COL5A2: variants seen among roughly 807,000 people sequenced by gnomAD.
COL5A2 encodes the protein collagen type V alpha 2 chain.
In COL5A2, 23 loss-of-function variants were observed where a neutral mutation model predicts 208.2. That is an observed-to-expected ratio of 0.11 (90% CI 0.08 to 0.16). The LOEUF (loss-of-function observed/expected upper bound fraction) is 0.16. Among genes scored for constraint, COL5A2 ranks in the 10% least tolerant of loss-of-function variants. COL5A2 has a pLI of 1.00. For synonymous variants in COL5A2, 625 were observed against 628.5 expected (o/e 0.99, Z 0.08); for missense variants, 1,590 against 1,956.4 (o/e 0.81, Z 3.53).
chr2:189,074,789 A>G (rs1313730623), intron 17 of COL5A2, among the ~76,000 whole-genome samples: 3 of 152,154 alleles, frequency 2.0e-5, no homozygotes, highest in South Asian at 2.1e-4. Context: ...TTACTACCAT[A>G]ATAACTTTAG....
At chr2:189,379,551 AGAGATACTC>A in the COL5A2 span, among the ~76,000 whole-genome samples, 1 of 152,170 alleles carries the variant, frequency 6.6e-6, no homozygotes, top group Non-Finnish European at 1.5e-5. Flanking sequence ...TTTTCTTCAA[AGAGATACTC>A]GAGATACTCA....
chr2:189,094,264 T>A (rs1274911496), intron 6 of COL5A2, among the ~76,000 whole-genome samples: 1 of 152,134 alleles, frequency 6.6e-6, no homozygotes, highest in Non-Finnish European at 1.5e-5. Context: ...ATAAAAATTA[T>A]CTAAAATTAA....
At chr2:189,052,348 T>TA in intron 40 of COL5A2, 123 bp from the exon 41 acceptor site, 1 of 939,180 alleles carries the variant, frequency 1.1e-6, no homozygotes, top group Non-Finnish European at 1.7e-6. Context: ...TTGTAAGCAA[T>TA]ATTTTTTTTT....
chr2:189,403,891 C>T, the COL5A2 span, among the ~76,000 whole-genome samples: 33 of 152,226 alleles, frequency 2.2e-4, no homozygotes, highest in African/African-American at 7.7e-4. Flanking sequence ...TGCCACCATG[C>T]CCAGTTAATT....
chr2:189,438,982 C>T, the COL5A2 span, among the ~76,000 whole-genome samples: 4 of 152,280 alleles, frequency 2.6e-5, 1 homozygote, highest in South Asian at 8.3e-4. Context: ...CCACACTGGC[C>T]TCTTGACTTA....
chr2:189,078,028 A>G (rs1467976266), intron 16 of COL5A2, among the ~76,000 whole-genome samples: 1 of 152,218 alleles, frequency 6.6e-6, no homozygotes, highest in African/African-American at 2.4e-5. Flanking sequence ...CTCAATCTGT[A>G]TAATTAAAAT....
the COL5A2 span, among the ~76,000 whole-genome samples, chr2:189,339,760 G>T: frequency 6.6e-5 from 10 of 152,164 alleles, no homozygotes; most frequent in African/African-American, 2.4e-4. Flanking sequence ...ATCACGACAG[G>T]TGTGGGGTCT....
chr2:189,057,290 G>GGA, intron 34 of COL5A2, 30 bp downstream of exon 34: 4 of 709,920 alleles, frequency 5.6e-6, no homozygotes, highest in South Asian at 1.8e-5. Flanking sequence ...TAAATGAACT[G>GGA]AAAAAAAAAA....
At chr2:189,388,064 C>T in the COL5A2 span, among the ~76,000 whole-genome samples, 1 of 152,170 alleles carries the variant, frequency 6.6e-6, no homozygotes, top group Non-Finnish European at 1.5e-5. Flanking sequence ...GAATTACAGG[C>T]ATAAGCCACT....
At chr2:189,063,617 A>T (rs1042336047) in intron 26 of COL5A2, among the ~76,000 whole-genome samples, 2 of 152,202 alleles carry the variant, frequency 1.3e-5, no homozygotes, top group Non-Finnish European at 2.9e-5. Context: ...ATCTTAGAAT[A>T]TATAAGTTGT....
the COL5A2 span, among the ~76,000 whole-genome samples, chr2:189,285,415 C>T: frequency 2.6e-5 from 4 of 152,058 alleles, no homozygotes; most frequent in African/African-American, 7.2e-5. Context: ...TCTGAAAAGG[C>T]CCCCTGAATT....
At chr2:189,357,763 G>GGA in the COL5A2 span, among the ~76,000 whole-genome samples, 2 of 124,008 alleles carry the variant, frequency 1.6e-5, no homozygotes, top group African/African-American at 6.1e-5. Flanking sequence ...ACTCGGGTAT[G>GGA]AAAAAAAAAA....
chr2:189,281,858 C>T, the COL5A2 span, among the ~76,000 whole-genome samples: 1 of 152,144 alleles, frequency 6.6e-6, no homozygotes, highest in Non-Finnish European at 1.5e-5. Flanking sequence ...CAGAGGCAGG[C>T]ACTGGAACCC....
chr2:189,067,988 G>A (rs1303132907), intron 21 of COL5A2, 27 bp downstream of exon 21: 2 of 1,558,950 alleles, frequency 1.3e-6, no homozygotes, highest in East Asian at 2.2e-5. Context: ...TACACTAAAG[G>A]ATGATAGTTC....
chr2:189,042,651 A>G, intron 49 of COL5A2, 69 bp downstream of exon 49: 6 of 1,443,170 alleles, frequency 4.2e-6, no homozygotes, highest in Non-Finnish European at 5.8e-6. Context: ...AACGATACTC[A>G]AGCATTAGCA....
the COL5A2 span, among the ~76,000 whole-genome samples, chr2:189,243,273 A>C: frequency 1.3e-5 from 2 of 152,290 alleles, no homozygotes; most frequent in East Asian, 3.9e-4. Context: ...TTTTAAGTTC[A>C]ATCTAGAAAA....
chr2:189,313,091 T>C, the COL5A2 span, among the ~76,000 whole-genome samples: 19 of 151,512 alleles, frequency 1.3e-4, no homozygotes, highest in Non-Finnish European at 2.2e-4. Flanking sequence ...GCGTAATAGA[T>C]CAAGCAGAAG....
At chr2:189,181,858 T>C (rs953049903), upstream of COL5A2, among the ~76,000 whole-genome samples, 5 of 152,318 alleles carry the variant, frequency 3.3e-5, no homozygotes, top group East Asian at 9.6e-4. Context: ...AAAACCACCA[T>C]GCAGTCTCTC....
At chr2:189,422,997 T>C in the COL5A2 span, among the ~76,000 whole-genome samples, 1 of 139,290 alleles carries the variant, frequency 7.2e-6, no homozygotes, top group Non-Finnish European at 1.5e-5. Context: ...CACTCCAGCC[T>C]GGGCAACAAG....
Sources: gnomAD v4.1 joint callset for allele counts (sites outside exome capture counted in the v4.1 genomes callset) on GRCh38, gnomAD v4.1.1 for gene constraint, MANE v1.5 for transcripts, NCBI Gene and HGNC (gene_info 2026-07-23, HGNC 2026-07-21) for gene names.